Variants in CTNNA3 observed in about 807,000 individuals in gnomAD.
CTNNA3 encodes catenin alpha 3.
Under a neutral mutation model 95.7 loss-of-function variants are expected in CTNNA3, and 76 were observed. The ratio of observed to expected loss-of-function variants is 0.79; its 90% confidence interval spans 0.66 to 0.96. The LOEUF (loss-of-function observed/expected upper bound fraction) is 0.96, where lower values mean the gene tolerates loss of function less well. Ranked by LOEUF, CTNNA3 falls within the 40% of genes least tolerant of loss-of-function variation. CTNNA3 has a pLI of 0.00. For missense variants in CTNNA3, 1,191 were observed against 1,089.8 expected, an observed-to-expected ratio of 1.09 and a Z score of -1.31; for synonymous variants, 431 against 374.4, an observed-to-expected ratio of 1.15 and a Z score of -1.74.
intron 7 of CTNNA3, among the ~76,000 whole-genome samples, chr10:67,084,224 T>C (rs560956328): frequency 2.0e-5 from 3 of 152,212 alleles, no homozygotes; most frequent in East Asian, 3.9e-4. Flanking sequence ...ATATGTATTG[T>C]TCCTTGAGTT....
chr10:66,644,330 A>C (rs182701350), intron 9 of CTNNA3, among the ~76,000 whole-genome samples: 1 of 147,288 alleles, frequency 6.8e-6, no homozygotes, highest in East Asian at 2.0e-4. Context: ...ATATAAAATA[A>C]TACTTTACAT....
chr10:66,597,515 T>C (rs183589801), intron 10 of CTNNA3, among the ~76,000 whole-genome samples: 34 of 65,546 alleles, frequency 5.2e-4, no homozygotes, highest in Admixed American at 5.1e-3. Context: ...TTCATACATA[T>C]ATATATATAT....
chr10:67,312,147 A>T lies in CTNNA3; in HGVS notation c.580-92277T>A, dbSNP rs537501561. Among the ~76,000 whole-genome samples, 254 of 150,202 alleles carry T rather than the reference A, an allele frequency of 1.7e-3. 2 individuals are homozygous for T. Among genetic ancestry groups the T allele is most frequent in the African/African-American group, 6.1e-3 (248 of 40,864 alleles). ...GAGTGCAGTGGCACAATCTCGGCTC[A>T]CTGCAGCCTCTGCCTCCGGGGTTCA... On this transcript the variant is annotated intron_variant, in intron 5 of 17. Coordinates refer to ENST00000433211, the MANE Select transcript of CTNNA3 (RefSeq NM_013266.4).
At chr10:67,394,091 G>A (rs1844627262) in intron 5 of CTNNA3, among the ~76,000 whole-genome samples, 1 of 152,028 alleles carries the variant, frequency 6.6e-6, no homozygotes, top group Non-Finnish European at 1.5e-5. Flanking sequence ...GCGGATATAT[G>A]GACTAACTTA....
At chr10:67,116,683 G>A (rs559506766) in intron 7 of CTNNA3, among the ~76,000 whole-genome samples, 14 of 148,438 alleles carry the variant, frequency 9.4e-5, no homozygotes, top group Non-Finnish European at 1.6e-4. Flanking sequence ...ATAAATCTAA[G>A]GATCGTAGCA....
In CTNNA3 at chr10:66,913,284, G is replaced by T. The variant is rs568395206; in HGVS notation, c.1048-137760C>A. ...AAAAAAAGAAAAAGAAAAAAGAAAT[G>T]AGTACATAGTAAGAGACCTTAAAAT... On this transcript the variant is annotated intron_variant, in intron 7 of 17. Transcript: ENST00000433211. Among the ~76,000 whole-genome samples the T allele has an allele frequency of 9.9e-4, 122 of 123,798 alleles. 2 individuals are homozygous for T. The South Asian group carries it at 0.013, about 13-fold the overall frequency. 81.2% of individuals were successfully genotyped at this position (123,798 alleles called of 152,430 possible). A position where few individuals can be genotyped will look rare whatever the true frequency, so the allele number is the denominator to read the frequency against.
At chr10:67,612,672 A>C (rs1843498734) in intron 2 of CTNNA3, among the ~76,000 whole-genome samples, 1 of 152,166 alleles carries the variant, frequency 6.6e-6, no homozygotes, top group Non-Finnish European at 1.5e-5. Context: ...GCATGCCCAA[A>C]GTAGAGAAGC....
At chr10:67,211,702 T>G (rs1864146830) in intron 6 of CTNNA3, among the ~76,000 whole-genome samples, 1 of 152,142 alleles carries the variant, frequency 6.6e-6, no homozygotes, top group African/African-American at 2.4e-5. Context: ...TGTATTAAAC[T>G]CAAGACCTAA....
intron 7 of CTNNA3, among the ~76,000 whole-genome samples, chr10:67,122,029 A>C (rs1859491669): frequency 6.9e-6 from 1 of 144,236 alleles, no homozygotes. Flanking sequence ...AGATTTGGCC[A>C]ACTTGTTGGC....
intron 1 of CTNNA3, among the ~76,000 whole-genome samples, chr10:67,714,034 C>T (rs1589578771): frequency 6.6e-6 from 1 of 152,010 alleles, no homozygotes; most frequent in Non-Finnish European, 1.5e-5. Context: ...GTCCACCAGG[C>T]AGAAGTTTGC....
At chr10:66,025,920 G>A (rs905396418) in intron 15 of CTNNA3, among the ~76,000 whole-genome samples, 5 of 152,130 alleles carry the variant, frequency 3.3e-5, no homozygotes, top group Non-Finnish European at 5.9e-5. Flanking sequence ...CACATATGCT[G>A]TACAGTATGA....
intron 17 of CTNNA3, among the ~76,000 whole-genome samples, chr10:65,963,313 C>G (rs1018337264): frequency 3.3e-5 from 5 of 152,152 alleles, no homozygotes; most frequent in African/African-American, 1.2e-4. Flanking sequence ...TGATTTCAGT[C>G]AAATCAGACT....
chr10:67,715,359 A>G lies in CTNNA3; in HGVS notation c.-2+48075T>C, dbSNP rs146862268. 1.3e-4 allele frequency among the ~76,000 whole-genome samples: 20 copies of G among 152,306 alleles called. No homozygotes were observed. The East Asian group carries it at 3.1e-3, about 23-fold the overall frequency. The stretch of plus-strand genomic sequence containing the variant: ...AACAGTGCAAGAACAAGAAGGGATC[A>G]AGTAATAATAAGGGGCCATGCAGGA... On this transcript the variant is annotated intron_variant, in intron 1 of 17. Transcript: ENST00000684154.
intron 13 of CTNNA3, among the ~76,000 whole-genome samples, chr10:66,193,994 A>C (rs2086818730): frequency 6.6e-6 from 1 of 152,174 alleles, no homozygotes; most frequent in African/African-American, 2.4e-5. Context: ...TTCAGAGAGA[A>C]AGAAAAAAAT....
At chr10:67,515,409 T>C (rs1839780210) in intron 5 of CTNNA3, among the ~76,000 whole-genome samples, 1 of 152,248 alleles carries the variant, frequency 6.6e-6, no homozygotes, top group Non-Finnish European at 1.5e-5. Flanking sequence ...ATCACATTCT[T>C]TTCTCCTTTG....
At chr10:66,487,808 A>G (rs1261435980) in intron 11 of CTNNA3, among the ~76,000 whole-genome samples, 1 of 152,200 alleles carries the variant, frequency 6.6e-6, no homozygotes, top group Admixed American at 6.5e-5. Flanking sequence ...ATAACAAGAG[A>G]CTAAAGTAAA....
Position 67,513,455 on chromosome 10 carries a change from C to G in CTNNA3, c.579+8387G>C, listed in dbSNP as rs138245852. Among the ~76,000 whole-genome samples, 197 of 152,272 alleles carry G rather than the reference C, an allele frequency of 1.3e-3. 1 individual carries two copies. The highest frequency in any genetic ancestry group is 4.4e-3 in the African/African-American group (181 of 41,562). ...GAAATGTAGAGTGGCTGGAGGCTTG[C>G]GTTTTAGAGAAGACTGCACCCACAT... On this transcript the variant is annotated intron_variant, in intron 5 of 17. Coordinates refer to ENST00000433211, the MANE Select transcript of CTNNA3 (RefSeq NM_013266.4).
intron 12 of CTNNA3, among the ~76,000 whole-genome samples, chr10:66,331,866 G>T (rs1263548732): frequency 6.6e-6 from 1 of 151,920 alleles, no homozygotes; most frequent in Admixed American, 6.6e-5. Flanking sequence ...GATGGGGATG[G>T]CATTGAATCT....
chr10:67,097,520 T>G lies in CTNNA3; in HGVS notation c.1047+82797A>C, dbSNP rs1435548049. Reference sequence around the variant, plus strand: ...GGTTAGTCAGGTCAGCACTTCAGTCTCTAAATCTTTCCCCTAAAGTTGTCC... The same window carrying G: ...GGTTAGTCAGGTCAGCACTTCAGTCGCTAAATCTTTCCCCTAAAGTTGTCC... On this transcript the variant is annotated intron_variant, in intron 7 of 17. Transcript: ENST00000433211. 4.2e-6 allele frequency: 6 copies of G among 1,420,384 alleles called. No homozygotes were observed. The East Asian group carries it at 1.4e-4, about 32-fold the overall frequency. The allele number at this position is 1,420,384 out of a possible 1,614,324, so 88.0% of individuals were successfully genotyped here. A position where few individuals can be genotyped will look rare whatever the true frequency, so the allele number is the denominator to read the frequency against.
Sources: allele counts gnomAD v4.1 joint callset (sites outside exome capture counted in the v4.1 genomes callset), GRCh38; gene constraint gnomAD v4.1.1; transcripts MANE v1.5; gene names NCBI Gene and HGNC (gene_info 2026-07-23, HGNC 2026-07-21).